The following TCF4 variants were observed in gnomAD, a reference collection of about 807,000 sequenced individuals.
TCF4 encodes the protein SL3-3 enhancer factor 2.
A neutral mutation model predicts 82.1 loss-of-function variants in TCF4; 3 were observed. The observed-to-expected ratio is 0.04, with a 90% CI of 0.02 to 0.09. The LOEUF is 0.09. Among genes scored for constraint, TCF4 ranks in the 10% least tolerant of loss-of-function variants. The pLI is 1.00. For synonymous variants in TCF4, 276 were observed against 309.6 expected (o/e 0.89, Z 1.14); for missense variants, 518 against 852.7 (o/e 0.61, Z 4.89).
At chr18:55,574,183 G>A (rs972852302) in intron 3 of TCF4, among the ~76,000 whole-genome samples, 3 of 151,934 alleles carry the variant, frequency 2.0e-5, no homozygotes, top group Non-Finnish European at 4.4e-5. Flanking sequence ...AAATCCATTC[G>A]CCTTCCTTTA....
intron 17 of TCF4, chr18:55,230,516 T>A (rs2144508913): frequency 6.6e-6 from 1 of 152,248 alleles, no homozygotes; most frequent in Non-Finnish European, 1.5e-5. Context: ...TTTGGGGGGC[T>A]TATGAGAGAC....
At chr18:55,511,852 C>T (rs762829201) in intron 3 of TCF4, among the ~76,000 whole-genome samples, 16 of 152,128 alleles carry the variant, frequency 1.1e-4, no homozygotes, top group Non-Finnish European at 1.9e-4. Context: ...CTTAGGCAGA[C>T]ATTCTGGTCC....
In TCF4 at chr18:55,399,880, T is replaced by TCACACA. The variant is rs398041380; in HGVS notation, c.369+3568_369+3573dup. The stretch of plus-strand genomic sequence containing the variant: ...CTCTCTCTCTCTCTCTCTCTCTCTC[T>TCACACA]CACACACACACACACACACACACAC... On this transcript the variant is annotated intron_variant, in intron 6 of 19. Coordinates refer to ENST00000354452, the MANE Select transcript of TCF4 (RefSeq NM_001083962.2). 7.3e-3 allele frequency among the ~76,000 whole-genome samples: 460 copies of TCACACA among 63,446 alleles called. 2 individuals carry two copies. Among genetic ancestry groups the TCACACA allele is most frequent in the Middle Eastern group, 0.01 (1 of 98 alleles). 41.6% of individuals were successfully genotyped at this position (63,446 alleles called of 152,430 possible).
chr18:55,251,202 T>C (rs1003758423), intron 15 of TCF4, among the ~76,000 whole-genome samples: 3 of 151,992 alleles, frequency 2.0e-5, no homozygotes, highest in Non-Finnish European at 4.4e-5. Flanking sequence ...CTTTATCTTG[T>C]AGAAAATGGA....
intron 8 of TCF4, among the ~76,000 whole-genome samples, chr18:55,345,213 A>G (rs1225430759): frequency 1.3e-5 from 2 of 151,544 alleles, no homozygotes; most frequent in African/African-American, 4.9e-5. Flanking sequence ...ATTCTCCTAT[A>G]TTTTTTCATA....
chr18:55,351,356 C>T (rs749392591), intron 6 of TCF4: 15 of 250,528 alleles, frequency 6.0e-5, no homozygotes, highest in Non-Finnish European at 1.1e-4. Flanking sequence ...CTATTCATCC[C>T]CTTCCTTAAC....
At chr18:55,311,847 T>C (rs2072565537) in intron 8 of TCF4, among the ~76,000 whole-genome samples, 1 of 152,222 alleles carries the variant, frequency 6.6e-6, no homozygotes, top group Non-Finnish European at 1.5e-5. Flanking sequence ...TTCTGAGGAA[T>C]AAACAAGTTT....
chr18:55,260,808 C>T lies in TCF4; in HGVS notation c.990+658G>A, dbSNP rs145070014. Among the ~76,000 whole-genome samples, 611 of 152,274 alleles carry T rather than the reference C, an allele frequency of 4.0e-3. 6 individuals are homozygous for T. Among genetic ancestry groups the T allele is most frequent in the African/African-American group, 0.014 (585 of 41,548 alleles). ...CTCCTGACCTCAAGTGATCCTCCCA[C>T]CTCGGCCTCCCAAAGTGCTGAGATT... On this transcript the variant is annotated intron_variant, in intron 12 of 19. Transcript: ENST00000354452.
At position 55,224,862 on chromosome 18, in the gene TCF4, T is replaced by G. The variant is rs1237738087; in HGVS notation, c.*3173A>C. ...GGTGGATCAACTGCTCCAAGTTGCT[T>G]TTAAAGTCCGAGTTTCTGAAAGAGA... is the stretch of plus-strand genomic sequence containing the variant. On this transcript the variant is annotated 3_prime_UTR_variant, in exon 20 of 20. Coordinates refer to ENST00000354452, the MANE Select transcript of TCF4 (RefSeq NM_001083962.2). The G allele has an allele frequency of 6.6e-6, 1 of 152,588 alleles. No individual in the cohort carries two copies. Among genetic ancestry groups the G allele is most frequent in the Non-Finnish European group, 1.5e-5 (1 of 68,014 alleles). 9.5% of individuals were successfully genotyped at this position (152,588 alleles called of 1,614,324 possible). A position where few individuals can be genotyped will look rare whatever the true frequency, so the allele number is the denominator to read the frequency against.
intron 3 of TCF4, among the ~76,000 whole-genome samples, chr18:55,489,676 T>C (rs1760706536): frequency 3.9e-5 from 6 of 152,196 alleles, no homozygotes; most frequent in Admixed American, 2.6e-4. Flanking sequence ...CAAGGCAATC[T>C]GCATCCTGAA....
chr18:55,483,927 C>A (rs1262313673), intron 3 of TCF4, among the ~76,000 whole-genome samples: 1 of 152,186 alleles, frequency 6.6e-6, no homozygotes. Context: ...TATCCTAGAG[C>A]AGTTTACTGC....
intron 3 of TCF4, among the ~76,000 whole-genome samples, chr18:55,538,546 T>C (rs2097138689): frequency 6.6e-6 from 1 of 152,220 alleles, no homozygotes; most frequent in South Asian, 2.1e-4. Flanking sequence ...TTCTTCAGTC[T>C]CCGGAAGGAA....
intron 9 of TCF4, 41 bp from the exon 10 acceptor site, chr18:55,275,793 A>C: frequency 6.2e-7 from 1 of 1,613,344 alleles, no homozygotes; most frequent in Non-Finnish European, 8.5e-7. Flanking sequence ...TGAGGCATTC[A>C]GCCTTGCCTT....
Position 55,350,863 on chromosome 18 carries a change from G to A in TCF4, c.499+11C>T. On this transcript the variant is annotated intron_variant, in intron 7 of 19. Transcript: ENST00000354452. ...TCATCCCTCAGGCATTCAAACAAAG[G>A]AATACCTTACCCATGGCACTACTGT... is the stretch of plus-strand genomic sequence containing the variant. The A allele has an allele frequency of 1.2e-6, 2 of 1,613,124 alleles. No homozygotes were observed. Among genetic ancestry groups the A allele is most frequent in the Non-Finnish European group, 8.5e-7 (1 of 1,179,316 alleles).
At chr18:55,490,289 T>C (rs936539460) in intron 3 of TCF4, among the ~76,000 whole-genome samples, 3 of 152,148 alleles carry the variant, frequency 2.0e-5, no homozygotes, top group Non-Finnish European at 4.4e-5. Flanking sequence ...TATTTAGATA[T>C]ATTTATTTAT....
chr18:55,508,213 AT>A (rs2096785461), intron 3 of TCF4, among the ~76,000 whole-genome samples: 1 of 152,190 alleles, frequency 6.6e-6, no homozygotes, highest in African/African-American at 2.4e-5. Context: ...CTGCAAACTC[AT>A]TTAAAGTAAA....
At chr18:55,239,567 C>T (rs1296561476) in intron 15 of TCF4, among the ~76,000 whole-genome samples, 3 of 152,044 alleles carry the variant, frequency 2.0e-5, no homozygotes, top group East Asian at 1.9e-4. Context: ...CATATATATA[C>T]GTACATATAT....
intron 8 of TCF4, among the ~76,000 whole-genome samples, chr18:55,312,346 G>T (rs969511079): frequency 3.3e-5 from 5 of 152,108 alleles, no homozygotes; most frequent in Non-Finnish European, 7.4e-5. Context: ...GATTAAAAAT[G>T]TATTAAAGAT....
intron 3 of TCF4, among the ~76,000 whole-genome samples, chr18:55,500,163 C>T (rs975126489): frequency 8.6e-5 from 13 of 151,992 alleles, no homozygotes; most frequent in African/African-American, 2.9e-4. Flanking sequence ...GCCTGGGCGA[C>T]AGAGGGAGAC....
Sources: gnomAD v4.1 joint callset for allele counts (sites outside exome capture counted in the v4.1 genomes callset) on GRCh38, gnomAD v4.1.1 for gene constraint, MANE v1.5 for transcripts, NCBI Gene and HGNC (gene_info 2026-07-23, HGNC 2026-07-21) for gene names.